TENM3: variants seen among roughly 807,000 people sequenced by gnomAD.
TENM3 encodes teneurin-3.
TENM3 carries 63 observed loss-of-function variants against 255.1 expected under a neutral mutation model. The ratio of observed to expected loss-of-function variants is 0.25; its 90% CI spans 0.20 to 0.30. The LOEUF (loss-of-function observed/expected upper bound fraction) is 0.30. TENM3 is among the 10% of genes least tolerant of loss of function. The pLI, the probability that TENM3 is intolerant of heterozygous loss-of-function variation, is 1.00. For missense variants in TENM3, 2,929 were observed against 3,461.1 expected (o/e 0.85, Z 3.86); for synonymous variants, 1,306 against 1,322.3 (o/e 0.99, Z 0.27).
chr4:181,997,724 C>T, the TENM3 span, among the ~76,000 whole-genome samples: 1 of 152,186 alleles, frequency 6.6e-6, no homozygotes, highest in African/African-American at 2.4e-5. Context: ...TGTACATCGT[C>T]AGCTCTATGT....
At chr4:182,303,639 G>A (rs1372892570) in intron 1 of TENM3, among the ~76,000 whole-genome samples, 1 of 152,004 alleles carries the variant, frequency 6.6e-6, no homozygotes, top group Non-Finnish European at 1.5e-5. Flanking sequence ...TTGGTGGGGG[G>A]GGTGACTTAA....
the TENM3 span, among the ~76,000 whole-genome samples, chr4:181,537,126 A>T: frequency 2.0e-5 from 3 of 152,198 alleles, no homozygotes; most frequent in Admixed American, 6.5e-5. Context: ...CTCCTTTAAA[A>T]AAAAAGAAAA....
chr4:181,684,918 CTTT>C, the TENM3 span, among the ~76,000 whole-genome samples: 1,003 of 45,070 alleles, frequency 0.022, 15 homozygotes, highest in African/African-American at 0.077. Flanking sequence ...CCGTGCCTGG[CTTT>C]TTTTTTTTTT....
chr4:181,674,357 T>C, the TENM3 span, among the ~76,000 whole-genome samples: 1 of 151,960 alleles, frequency 6.6e-6, no homozygotes, highest in African/African-American at 2.4e-5. Context: ...ATCTTATTAG[T>C]GTATCTAGCT....
chr4:182,784,772 G>A (rs2152817089), intron 24 of TENM3, among the ~76,000 whole-genome samples: 1 of 152,280 alleles, frequency 6.6e-6, no homozygotes, highest in African/African-American at 2.4e-5. Context: ...CGTTTTTTAA[G>A]CCCGTCGGAA....
the TENM3 span, among the ~76,000 whole-genome samples, chr4:181,568,490 G>A: frequency 6.6e-6 from 1 of 151,768 alleles, no homozygotes; most frequent in Admixed American, 6.6e-5. Flanking sequence ...ACACCTGGCC[G>A]CCAACTATGT....
chr4:181,680,826 A>G, the TENM3 span, among the ~76,000 whole-genome samples: 1 of 152,060 alleles, frequency 6.6e-6, no homozygotes, highest in African/African-American at 2.4e-5. Flanking sequence ...TAAATTTCCC[A>G]TTGACTTTAC....
chr4:182,496,765 C>T (rs1720230386), intron 3 of TENM3, among the ~76,000 whole-genome samples: 1 of 152,108 alleles, frequency 6.6e-6, no homozygotes, highest in Non-Finnish European at 1.5e-5. Context: ...TCATAAAAAC[C>T]TGTAAGGACA....
At position 182,494,197 on chromosome 4, in the gene TENM3, C is replaced by T. The variant is rs865800125; in HGVS notation, c.512-106727C>T. Among the ~76,000 whole-genome samples, 5 of 152,234 alleles carry T rather than the reference C, an allele frequency of 3.3e-5. No individual in the cohort carries two copies. In the Middle Eastern group the frequency reaches 0.01, roughly 311 times the overall value. ...CTGGGAAAGGAAAATGAAAAGACAT[C>T]AGTGTATGATATTCTGTTCTGGAAA... On this transcript the variant is annotated intron_variant, in intron 3 of 27. Coordinates refer to ENST00000511685, the MANE Select transcript of TENM3 (RefSeq NM_001080477.4).
the TENM3 span, among the ~76,000 whole-genome samples, chr4:181,462,539 T>C: frequency 6.6e-6 from 1 of 152,216 alleles, no homozygotes; most frequent in Non-Finnish European, 1.5e-5. Context: ...CGTCATCCAA[T>C]GTCTGAAAAC....
the TENM3 span, among the ~76,000 whole-genome samples, chr4:181,665,608 A>G: frequency 1.3e-5 from 2 of 151,366 alleles, no homozygotes; most frequent in African/African-American, 4.8e-5. Flanking sequence ...ATAAGTGTCT[A>G]TATACAATGT....
At chr4:182,707,086 C>T (rs987424805) in intron 12 of TENM3, among the ~76,000 whole-genome samples, 1 of 152,144 alleles carries the variant, frequency 6.6e-6, no homozygotes, top group East Asian at 1.9e-4. Context: ...CTAGAAAGGT[C>T]ATTAAAGTCT....
the TENM3 span, among the ~76,000 whole-genome samples, chr4:181,783,470 A>C: frequency 1.8e-4 from 27 of 151,820 alleles, no homozygotes; most frequent in African/African-American, 5.8e-4. Flanking sequence ...TGCTTGAAAA[A>C]TTTCTCCCCA....
At chr4:182,290,472 T>C (rs1761041359) in intron 1 of TENM3, among the ~76,000 whole-genome samples, 1 of 152,196 alleles carries the variant, frequency 6.6e-6, no homozygotes, top group Non-Finnish European at 1.5e-5. Context: ...CTTTAAAAAA[T>C]GGCTTTACGT....
the TENM3 span, among the ~76,000 whole-genome samples, chr4:181,965,471 A>G: frequency 5.3e-5 from 8 of 152,152 alleles, no homozygotes; most frequent in Non-Finnish European, 1.0e-4. Context: ...TTTAAAGCAC[A>G]TTATTTCACC....
chr4:181,574,292 G>A, the TENM3 span, among the ~76,000 whole-genome samples: 15 of 152,246 alleles, frequency 9.9e-5, no homozygotes, highest in Middle Eastern at 3.4e-3. Context: ...AGCACTTTGG[G>A]AGGCCGAGGC....
At chr4:181,937,534 T>C in the TENM3 span, among the ~76,000 whole-genome samples, 3 of 152,108 alleles carry the variant, frequency 2.0e-5, no homozygotes, top group Non-Finnish European at 4.4e-5. Flanking sequence ...GACACATGCA[T>C]TGGATGCAGG....
At chr4:181,863,471 G>A in the TENM3 span, among the ~76,000 whole-genome samples, 6 of 152,148 alleles carry the variant, frequency 3.9e-5, no homozygotes, top group Admixed American at 2.0e-4. Flanking sequence ...TGCATTTCTA[G>A]TAATGTTAGG....
At chr4:182,144,586 C>T (rs946475180), upstream of TENM3, 13 of 149,166 alleles carry the variant, frequency 8.7e-5, no homozygotes, top group Admixed American at 4.0e-4. Flanking sequence ...CACTCGCGCC[C>T]CCTCCCCGCC....
Sources: gnomAD v4.1 joint callset for allele counts (sites outside exome capture counted in the v4.1 genomes callset) on GRCh38, gnomAD v4.1.1 for gene constraint, MANE v1.5 for transcripts, NCBI Gene and HGNC (gene_info 2026-07-23, HGNC 2026-07-21) for gene names.